The following CNBD1 variants were observed in gnomAD, a reference collection of about 807,000 sequenced individuals.
CNBD1 encodes the protein cyclic nucleotide-binding domain-containing protein 1.
A neutral mutation model predicts 54.4 loss-of-function variants in CNBD1; 71 were observed. That is an observed-to-expected ratio of 1.30 (90% CI 1.08 to 1.59). The LOEUF is 1.59. Ranked by LOEUF, CNBD1 falls within the 40% of genes most tolerant of loss-of-function variation. CNBD1 has a pLI of 0.00. For synonymous variants in CNBD1, 182 were observed against 170.7 expected, an observed-to-expected ratio of 1.07 and a Z score of -0.51; for missense variants, 659 against 518.0, an observed-to-expected ratio of 1.27 and a Z score of -2.64.
chr8:86,954,914 A>T (rs1017710777), intron 4 of CNBD1, among the ~76,000 whole-genome samples: 1 of 152,104 alleles, frequency 6.6e-6, no homozygotes, highest in African/African-American at 2.4e-5. Flanking sequence ...TATATGTGCC[A>T]TGTTGGTGTG....
chr8:87,421,071 A>C (rs987814827), intron 2 of CNBD1, among the ~76,000 whole-genome samples: 1 of 151,984 alleles, frequency 6.6e-6, no homozygotes, highest in South Asian at 2.1e-4. Flanking sequence ...AATTTTAAAC[A>C]TTTGGTTCTC....
chr8:87,097,087 A>T (rs988888242), intron 4 of CNBD1, among the ~76,000 whole-genome samples: 102 of 152,162 alleles, frequency 6.7e-4, no homozygotes, highest in African/African-American at 2.3e-3. Context: ...GAGGAAAAAA[A>T]TTAAAAGGTT....
At chr8:87,122,009 A>G (rs749186370) in intron 4 of CNBD1, among the ~76,000 whole-genome samples, 9 of 151,612 alleles carry the variant, frequency 5.9e-5, no homozygotes, top group Non-Finnish European at 1.3e-4. Context: ...GCTGTTGTGA[A>G]TCATTTTGCA....
chr8:87,087,077 T>C (rs183414296), intron 4 of CNBD1, among the ~76,000 whole-genome samples: 1 of 151,620 alleles, frequency 6.6e-6, no homozygotes, highest in Admixed American at 6.6e-5. Context: ...ACTTCTTGGA[T>C]TGATTTAAAT....
At position 87,353,636 on chromosome 8, in the gene CNBD1, A is replaced by G; in HGVS notation, c.1153A>G (p.Lys385Glu). The change falls in exon 10 of 11, where the codon AAA (lysine) becomes GAA (glutamate). Residue 385 changes from lysine to glutamate, a missense_variant and splice_region_variant. Coordinates refer to ENST00000518476, the MANE Select transcript of CNBD1 (RefSeq NM_173538.3). Reference protein sequence around the residue: ...GFVKLRSNKVKRSQKLVYMGK... With the variant: ...GFVKLRSNKVERSQKLVYMGK... ...CATCAATAATATATTTTTTTAACAG[A>G]AAAGATCTCAAAAACTTGTTTATAT... 1 of 1,564,052 alleles carries G rather than the reference A, an allele frequency of 6.4e-7. No homozygotes were observed. The highest frequency in any genetic ancestry group is 1.2e-5 in the South Asian group (1 of 84,032).
intron 8 of CNBD1, among the ~76,000 whole-genome samples, chr8:87,310,653 T>TA (rs1324910952): frequency 6.6e-6 from 1 of 151,980 alleles, no homozygotes; most frequent in African/African-American, 2.4e-5. Context: ...TATGTGGAGC[T>TA]AAAAAAGGGC....
intron 3 of CNBD1, among the ~76,000 whole-genome samples, chr8:86,930,314 T>A (rs1297394711): frequency 6.6e-6 from 1 of 152,142 alleles, no homozygotes; most frequent in Non-Finnish European, 1.5e-5. Flanking sequence ...TTAATTTAGA[T>A]GCCTTGTACC....
chr8:86,974,172 G>A (rs1808287994), intron 4 of CNBD1, among the ~76,000 whole-genome samples: 1 of 151,880 alleles, frequency 6.6e-6, no homozygotes, highest in African/African-American at 2.4e-5. Flanking sequence ...TTCATAAGTA[G>A]TCAAGGAAAT....
intron 8 of CNBD1, among the ~76,000 whole-genome samples, chr8:87,327,663 G>T (rs141023946): frequency 3.7e-4 from 56 of 152,190 alleles, no homozygotes; most frequent in African/African-American, 1.3e-3. Flanking sequence ...GCTTCGGCTC[G>T]TGCCCGGTGC....
At chr8:87,200,076 CA>C (rs1813823312) in intron 4 of CNBD1, among the ~76,000 whole-genome samples, 1 of 151,940 alleles carries the variant, frequency 6.6e-6, no homozygotes, top group African/African-American at 2.4e-5. Context: ...AAAATAAAAA[CA>C]ATACAAAATG....
At chr8:87,002,178 CA>C (rs1809007064) in intron 4 of CNBD1, among the ~76,000 whole-genome samples, 1 of 152,162 alleles carries the variant, frequency 6.6e-6, no homozygotes, top group African/African-American at 2.4e-5. Context: ...ACCTTCAAAA[CA>C]GTGTGTCCAG....
chr8:86,974,045 G>A (rs925776587), intron 4 of CNBD1, among the ~76,000 whole-genome samples: 13 of 151,804 alleles, frequency 8.6e-5, no homozygotes, highest in Admixed American at 6.6e-4. Flanking sequence ...TACCCCAAAC[G>A]GTTACTAAGA....
chr8:87,052,633 T>C (rs981538074), intron 4 of CNBD1, among the ~76,000 whole-genome samples: 2 of 152,182 alleles, frequency 1.3e-5, no homozygotes, highest in East Asian at 1.9e-4. Flanking sequence ...TCCAGTTTCT[T>C]CCAAGTTCTT....
chr8:87,108,333 A>G (rs1811583967), intron 4 of CNBD1, among the ~76,000 whole-genome samples: 1 of 152,212 alleles, frequency 6.6e-6, no homozygotes, highest in Non-Finnish European at 1.5e-5. Context: ...TCTATAAAAA[A>G]TAGGGATCTG....
intron 8 of CNBD1, among the ~76,000 whole-genome samples, chr8:87,330,024 G>A (rs1809786919): frequency 6.6e-6 from 1 of 151,980 alleles, no homozygotes; most frequent in Admixed American, 6.6e-5. Context: ...TTTAACTGTA[G>A]GGTTTTTGTA....
intron 8 of CNBD1, among the ~76,000 whole-genome samples, chr8:87,344,427 G>A (rs1439011166): frequency 1.3e-5 from 2 of 151,964 alleles, no homozygotes; most frequent in Non-Finnish European, 2.9e-5. Flanking sequence ...TTTTAAGATT[G>A]TTTCAAAAAA....
At chr8:87,361,138 A>C (rs947416994) in intron 10 of CNBD1, among the ~76,000 whole-genome samples, 3 of 151,942 alleles carry the variant, frequency 2.0e-5, no homozygotes, top group African/African-American at 7.2e-5. Flanking sequence ...ATTTTGATAT[A>C]TGCAATTCCA....
intron 4 of CNBD1, chr8:87,044,535 G>T (rs148694595): frequency 6.6e-6 from 1 of 152,248 alleles, no homozygotes; most frequent in African/African-American, 2.4e-5. Context: ...TGGACAAGTT[G>T]ACATTTTACA....
At chr8:87,268,000 T>A (rs141222209) in intron 6 of CNBD1, among the ~76,000 whole-genome samples, 10 of 152,256 alleles carry the variant, frequency 6.6e-5, no homozygotes, top group African/African-American at 2.4e-4. Context: ...ACATGTAGGT[T>A]TAACACAGGC....
Sources: gnomAD v4.1 joint callset for allele counts (sites outside exome capture counted in the v4.1 genomes callset) on GRCh38, gnomAD v4.1.1 for gene constraint, MANE v1.5 for transcripts, NCBI Gene and HGNC (gene_info 2026-07-23, HGNC 2026-07-21) for gene names.